The following PDE1C variants were observed in gnomAD, a reference collection of about 807,000 sequenced individuals.
PDE1C encodes the protein dual specificity calcium/calmodulin-dependent 3',5'-cyclic nucleotide phosphodiesterase 1C.
Under a neutral mutation model 93.1 loss-of-function variants are expected in PDE1C, and 62 were observed. The ratio of observed to expected loss-of-function variants is 0.67; its 90% CI spans 0.54 to 0.82. PDE1C has a LOEUF of 0.82. Ranked by LOEUF, PDE1C falls within the 40% of genes least tolerant of loss-of-function variation. PDE1C has a pLI of 0.00. For missense variants in PDE1C, 742 were observed against 884.6 expected (o/e 0.84, Z 2.04); for synonymous variants, 325 against 310.1 (o/e 1.05, Z -0.50).
chr7:31,826,912 A>G (rs1217672909), intron 12 of PDE1C, among the ~76,000 whole-genome samples: 1 of 152,204 alleles, frequency 6.6e-6, no homozygotes, highest in African/African-American at 2.4e-5. Flanking sequence ...CTCTGCCACT[A>G]AAGTGCTAAA....
At chr7:32,131,284 C>A (rs1242675588) in intron 3 of PDE1C, among the ~76,000 whole-genome samples, 1 of 152,100 alleles carries the variant, frequency 6.6e-6, no homozygotes, top group Non-Finnish European at 1.5e-5. Flanking sequence ...GACGTTTTTG[C>A]CAGATAGACA....
At chr7:32,051,826 G>C (rs1793422807) in intron 1 of PDE1C, among the ~76,000 whole-genome samples, 1 of 152,126 alleles carries the variant, frequency 6.6e-6, no homozygotes, top group Non-Finnish European at 1.5e-5. Flanking sequence ...CTGCTCCCAT[G>C]TTCTTCCCTT....
chr7:31,988,611 C>G (rs1159139333), intron 2 of PDE1C, among the ~76,000 whole-genome samples: 3 of 152,102 alleles, frequency 2.0e-5, no homozygotes, highest in Non-Finnish European at 2.9e-5. Context: ...AGTCCAGCTA[C>G]TTGGGAGACT....
chr7:32,269,940 A>T (rs1008792383), intron 1 of PDE1C, among the ~76,000 whole-genome samples: 21 of 150,418 alleles, frequency 1.4e-4, no homozygotes, highest in Admixed American at 1.4e-3. Context: ...TGTCTGGCTA[A>T]TTTTTTTTTA....
intron 2 of PDE1C, among the ~76,000 whole-genome samples, chr7:31,968,320 C>T (rs1810355804): frequency 6.6e-6 from 1 of 152,030 alleles, no homozygotes; most frequent in South Asian, 2.1e-4. Flanking sequence ...CAATAACAGA[C>T]AAACAGAGAG....
intron 1 of PDE1C, among the ~76,000 whole-genome samples, chr7:32,311,666 T>C (rs1190385826): frequency 6.6e-6 from 1 of 152,098 alleles, no homozygotes; most frequent in Non-Finnish European, 1.5e-5. Context: ...CATGATTATC[T>C]CAATAGATGC....
At chr7:32,080,584 C>G (rs973417603) in intron 3 of PDE1C, among the ~76,000 whole-genome samples, 12 of 152,172 alleles carry the variant, frequency 7.9e-5, no homozygotes, top group African/African-American at 2.7e-4. Flanking sequence ...TTTCAGCTAT[C>G]TGGCGGAGAA....
intron 2 of PDE1C, among the ~76,000 whole-genome samples, chr7:32,030,167 A>G (rs977710309): frequency 6.6e-6 from 1 of 151,668 alleles, no homozygotes; most frequent in Admixed American, 6.6e-5. Context: ...ACCTGGGATA[A>G]GTTGGTTGTG....
intron 1 of PDE1C, among the ~76,000 whole-genome samples, chr7:32,341,009 A>T (rs1380977681): frequency 6.6e-6 from 1 of 152,000 alleles, no homozygotes; most frequent in Admixed American, 6.6e-5. Flanking sequence ...ACTTTGGGTG[A>T]TAATGATGTG....
chr7:32,161,923 G>A (rs931187221), intron 3 of PDE1C, among the ~76,000 whole-genome samples: 1 of 152,132 alleles, frequency 6.6e-6, no homozygotes, highest in African/African-American at 2.4e-5. Context: ...TCCTGGGGGT[G>A]GAAGCCTGGA....
chr7:32,175,499 G>A (rs1372804231), intron 2 of PDE1C, among the ~76,000 whole-genome samples: 1 of 152,202 alleles, frequency 6.6e-6, no homozygotes, highest in Non-Finnish European at 1.5e-5. Context: ...CCTCAGCGTT[G>A]ATGGCTGCTG....
intron 2 of PDE1C, among the ~76,000 whole-genome samples, chr7:32,179,573 T>G (rs1335911866): frequency 6.6e-6 from 1 of 152,162 alleles, no homozygotes; most frequent in Non-Finnish European, 1.5e-5. Flanking sequence ...AGTTTGCAGC[T>G]TCCTTTAACA....
At chr7:31,823,330 G>A (rs1478703165) in intron 13 of PDE1C, 82 bp from the exon 14 acceptor site, 2 of 1,091,188 alleles carry the variant, frequency 1.8e-6, no homozygotes, top group Middle Eastern at 2.1e-4. Context: ...GAGGAGGAAT[G>A]GTTAGCACTC....
chr7:31,796,932 A>G (rs149809052), intron 16 of PDE1C, among the ~76,000 whole-genome samples: 2 of 151,880 alleles, frequency 1.3e-5, no homozygotes, highest in African/African-American at 4.8e-5. Flanking sequence ...GACACCTAAA[A>G]ATAATATTAC....
At chr7:31,959,764 C>A (rs1357120603) in intron 2 of PDE1C, among the ~76,000 whole-genome samples, 1 of 152,038 alleles carries the variant, frequency 6.6e-6, no homozygotes, top group Admixed American at 6.6e-5. Flanking sequence ...GGTGCCAAAT[C>A]AAATAAAATA....
chr7:31,910,070 G>A (rs1801044157), intron 2 of PDE1C, among the ~76,000 whole-genome samples: 1 of 152,040 alleles, frequency 6.6e-6, no homozygotes, highest in African/African-American at 2.4e-5. Flanking sequence ...ACTATTCTAG[G>A]GTATGTTTAA....
At chr7:31,773,187 C>A (rs1317520937) in intron 17 of PDE1C, among the ~76,000 whole-genome samples, 1 of 152,198 alleles carries the variant, frequency 6.6e-6, no homozygotes, top group African/African-American at 2.4e-5. Context: ...CCACTTCCAC[C>A]TCTGACCATC....
intron 17 of PDE1C, among the ~76,000 whole-genome samples, chr7:31,774,118 A>G (rs1795676666): frequency 6.7e-6 from 1 of 149,638 alleles, no homozygotes; most frequent in Non-Finnish European, 1.5e-5. Flanking sequence ...TTGTAAAATG[A>G]ACTATTATTT....
At chr7:32,046,250 T>C (rs1193348115) in intron 2 of PDE1C, among the ~76,000 whole-genome samples, 1 of 151,098 alleles carries the variant, frequency 6.6e-6, no homozygotes, top group Non-Finnish European at 1.5e-5. Flanking sequence ...CAGCAAAACA[T>C]ACATTTTTAA....
Sources: allele counts gnomAD v4.1 joint callset (sites outside exome capture counted in the v4.1 genomes callset), GRCh38; gene constraint gnomAD v4.1.1; transcripts MANE v1.5; gene names NCBI Gene and HGNC (gene_info 2026-07-23, HGNC 2026-07-21).